Variants in HFM1 observed in about 807,000 individuals in gnomAD.
HFM1 encodes the protein helicase for meiosis 1.
A neutral mutation model predicts 192.1 loss-of-function variants in HFM1; 169 were observed. The observed-to-expected ratio is 0.88, with a 90% CI of 0.78 to 1.00. The LOEUF is 1.00. Among genes scored for constraint, HFM1 ranks in the 50% least tolerant of loss-of-function variants. The probability of loss-of-function intolerance (pLI) is 0.00; values close to 1 mark genes in which losing one functional copy is unlikely to be tolerated. For synonymous variants in HFM1, 525 were observed against 537.8 expected (o/e 0.98, Z 0.33); for missense variants, 1,661 against 1,668.0 (o/e 1.00, Z 0.07).
chr1:91,343,841 T>G (rs1375297634), intron 19 of HFM1, among the ~76,000 whole-genome samples: 1 of 152,220 alleles, frequency 6.6e-6, no homozygotes, highest in African/African-American at 2.4e-5. Context: ...ACCGATATTT[T>G]CATATATAGG....
intron 30 of HFM1, among the ~76,000 whole-genome samples, chr1:91,297,490 C>T (rs947109439): frequency 6.6e-6 from 1 of 152,162 alleles, no homozygotes; most frequent in Non-Finnish European, 1.5e-5. Flanking sequence ...GGCAGACTGC[C>T]TCCTCAAGTG....
At chr1:91,388,541 A>G (rs1341516765) in intron 4 of HFM1, among the ~76,000 whole-genome samples, 1 of 152,212 alleles carries the variant, frequency 6.6e-6, no homozygotes, top group Admixed American at 6.5e-5. Context: ...GAACATCTGA[A>G]TATCTACATG....
intron 2 of HFM1, among the ~76,000 whole-genome samples, chr1:91,397,955 G>A (rs1663867685): frequency 6.6e-6 from 1 of 152,144 alleles, no homozygotes; most frequent in South Asian, 2.1e-4. Context: ...TCCCCTGTCT[G>A]GCACACACCT....
intron 4 of HFM1, among the ~76,000 whole-genome samples, chr1:91,387,590 G>C (rs113277155): frequency 6.6e-6 from 1 of 151,938 alleles, no homozygotes; most frequent in African/African-American, 2.4e-5. Context: ...ACTGTCCCCG[G>C]AAATGATGAG....
chr1:91,275,952 G>A (rs1157560435), intron 32 of HFM1, among the ~76,000 whole-genome samples: 2 of 152,068 alleles, frequency 1.3e-5, no homozygotes, highest in Non-Finnish European at 2.9e-5. Flanking sequence ...TAGCAAAAAG[G>A]TCTGCATGAT....
chr1:91,384,619 G>A (rs1661950077), intron 6 of HFM1, among the ~76,000 whole-genome samples: 1 of 152,098 alleles, frequency 6.6e-6, no homozygotes, highest in South Asian at 2.1e-4. Context: ...AAGTAAATAT[G>A]CTCAGAGTTC....
intron 1 of HFM1, among the ~76,000 whole-genome samples, chr1:91,402,575 A>C (rs1050744396): frequency 1.3e-5 from 2 of 152,178 alleles, no homozygotes; most frequent in African/African-American, 2.4e-5. Flanking sequence ...GTCATTCAGA[A>C]ATATGCGAAG....
chr1:91,321,765 TAA>T (rs1170473355), intron 23 of HFM1, among the ~76,000 whole-genome samples: 6 of 152,172 alleles, frequency 3.9e-5, no homozygotes, highest in African/African-American at 1.4e-4. Flanking sequence ...AAAACAATTA[TAA>T]AGTATAATAA....
At chr1:91,400,352 T>G (rs1390235955) in intron 2 of HFM1, among the ~76,000 whole-genome samples, 1 of 152,228 alleles carries the variant, frequency 6.6e-6, no homozygotes, top group Non-Finnish European at 1.5e-5. Flanking sequence ...GTCCATTCTG[T>G]TTCCAGATGG....
intron 20 of HFM1, among the ~76,000 whole-genome samples, chr1:91,332,111 A>C (rs907013121): frequency 6.6e-6 from 1 of 152,206 alleles, no homozygotes; most frequent in Non-Finnish European, 1.5e-5. Flanking sequence ...AAATCCTAAA[A>C]TTTATATGGA....
At chr1:91,335,763 T>C (rs749223622) in intron 20 of HFM1, among the ~76,000 whole-genome samples, 4 of 152,160 alleles carry the variant, frequency 2.6e-5, no homozygotes, top group Non-Finnish European at 5.9e-5. Flanking sequence ...GACCTCCTAC[T>C]GCAAGACGTG....
intron 1 of HFM1, among the ~76,000 whole-genome samples, chr1:91,402,615 G>A (rs1315002198): frequency 6.6e-6 from 1 of 152,052 alleles, no homozygotes; most frequent in Non-Finnish European, 1.5e-5. Flanking sequence ...AACAATTTCA[G>A]AACTTGAAAA....
At chr1:91,334,679 C>G (rs946200649) in intron 20 of HFM1, among the ~76,000 whole-genome samples, 1 of 151,954 alleles carries the variant, frequency 6.6e-6, no homozygotes, top group African/African-American at 2.4e-5. Context: ...ACCTGTAATC[C>G]CAGCACTTTG....
intron 19 of HFM1, among the ~76,000 whole-genome samples, chr1:91,346,421 T>C (rs1273412772): frequency 2.0e-5 from 3 of 152,214 alleles, no homozygotes; most frequent in African/African-American, 4.8e-5. Context: ...TATTTCAACG[T>C]GAATACAGCA....
chr1:91,361,278 A>G (rs1164309257), intron 13 of HFM1, among the ~76,000 whole-genome samples: 1 of 152,052 alleles, frequency 6.6e-6, no homozygotes, highest in East Asian at 1.9e-4. Flanking sequence ...GTTTTTTGAA[A>G]AAATTAACAC....
intron 13 of HFM1, among the ~76,000 whole-genome samples, chr1:91,358,482 C>T (rs1025917641): frequency 6.6e-6 from 1 of 151,882 alleles, no homozygotes; most frequent in Admixed American, 6.6e-5. Context: ...ACAGAGAGCC[C>T]AGAAATAAGT....
rs1488897321 is a variant in HFM1 at position 91,294,118 on chromosome 1, G to A, written c.3392-17056C>T. ...AATGCTAGATGACGAGTTAGTGGGT[G>A]CAGTGCACCAGCATGGCACATGTAT... On this transcript the variant is annotated intron_variant, in intron 30 of 38. Transcript: ENST00000370425. Among the ~76,000 whole-genome samples the A allele has an allele frequency of 2.4e-4, 36 of 151,576 alleles. 1 individual carries two copies. In the South Asian group the frequency reaches 7.5e-3, roughly 32 times the overall value.
rs142684946 is a variant in HFM1, at chr1:91,267,559, TA to T, written c.3883+185del. Among the ~76,000 whole-genome samples, 1,137 of 152,222 alleles carry T rather than the reference TA, an allele frequency of 7.5e-3. 21 individuals carry two copies. Among genetic ancestry groups the T allele is most frequent in the African/African-American group, 0.026 (1,090 of 41,556 alleles). On this transcript the variant is annotated intron_variant, in intron 35 of 38. Transcript: ENST00000370425. ...ATGGAATAACCTTGATCTCTGTTCT[TA>T]GGGGGGAAATGTTCTTTGTAGAAGA...
At chr1:91,384,769 G>C (rs186581544) in intron 6 of HFM1, among the ~76,000 whole-genome samples, 2 of 148,072 alleles carry the variant, frequency 1.4e-5, no homozygotes, top group East Asian at 3.9e-4. Flanking sequence ...TTTTGAGATG[G>C]AGTCTCACTC....
Sources: allele counts gnomAD v4.1 joint callset (sites outside exome capture counted in the v4.1 genomes callset), GRCh38; gene constraint gnomAD v4.1.1; transcripts MANE v1.5; gene names NCBI Gene and HGNC (gene_info 2026-07-23, HGNC 2026-07-21).